The following PRTG variants were observed in gnomAD, a reference collection of about 807,000 sequenced individuals.
PRTG encodes the protein immunoglobulin superfamily, DCC subclass, member 5.
In PRTG, 67 loss-of-function variants were observed where a neutral mutation model predicts 122.5. The observed-to-expected ratio is 0.55, with a 90% CI of 0.45 to 0.67. PRTG has a LOEUF of 0.67. Among genes scored for constraint, PRTG ranks in the 30% least tolerant of loss-of-function variants. PRTG has a pLI of 0.00. For missense variants in PRTG, 1,435 were observed against 1,415.4 expected (o/e 1.01, Z -0.22); for synonymous variants, 554 against 501.1 (o/e 1.11, Z -1.41).
At chr15:55,639,509 T>C in intron 13 of PRTG, 133 bp downstream of exon 13, 2 of 673,654 alleles carry the variant, frequency 3.0e-6, no homozygotes, top group South Asian at 2.3e-5. Flanking sequence ...AGCCACTTCA[T>C]AAATAACTTA....
rs780467870 is a variant in PRTG, at chr15:55,639,834, GA to G, written c.2138-7del. The G allele has an allele frequency of 3.1e-6, 5 of 1,612,698 alleles. No individual in the cohort carries two copies. The East Asian group carries it at 1.1e-4, about 36-fold the overall frequency. The stretch of plus-strand genomic sequence containing the variant: ...GACCATGCGATCACGAACAGCTATT[GA>G]GAAAAACAATGTTAATTTACGATAC... On this transcript the variant is annotated splice_region_variant and splice_polypyrimidine_tract_variant and intron_variant, in intron 12 of 19. Coordinates refer to ENST00000389286, the MANE Select transcript of PRTG (RefSeq NM_173814.6).
At chr15:55,627,184 T>A in intron 16 of PRTG, 56 bp from the exon 17 acceptor site, 1 of 1,376,462 alleles carries the variant, frequency 7.3e-7, no homozygotes, top group Admixed American at 2.5e-5. Flanking sequence ...TTATTTAATT[T>A]ATAATTCTCA....
chr15:55,732,053 T>C (rs2031252163), intron 2 of PRTG, among the ~76,000 whole-genome samples: 1 of 152,210 alleles, frequency 6.6e-6, no homozygotes, highest in African/African-American at 2.4e-5. Context: ...GGGAAGTATT[T>C]GTGTATCTAA....
chr15:55,698,718 A>G (rs1011879770), intron 2 of PRTG, among the ~76,000 whole-genome samples: 3 of 152,212 alleles, frequency 2.0e-5, no homozygotes, highest in African/African-American at 4.8e-5. Context: ...AATGATGCTC[A>G]TAAGTTTCAT....
chr15:55,725,676 A>G (rs545663166), intron 2 of PRTG, among the ~76,000 whole-genome samples: 1 of 152,298 alleles, frequency 6.6e-6, no homozygotes, highest in African/African-American at 2.4e-5. Flanking sequence ...AATTACAATA[A>G]ATGCAAGTGG....
In PRTG at chr15:55,698,558, T is replaced by C. The variant is rs1269998419; in HGVS notation, c.398-14627A>G. On this transcript the variant is annotated intron_variant, in intron 2 of 19. Transcript: ENST00000389286. The stretch of plus-strand genomic sequence containing the variant: ...CTCCTGCCTCAGCCTCCCAAAGTGC[T>C]GGGATTACAGGCATGAGCTGCCACG... Among the ~76,000 whole-genome samples the C allele has an allele frequency of 2.0e-5, 3 of 152,280 alleles. No individual in the cohort carries two copies. In the East Asian group the frequency reaches 5.8e-4, roughly 29 times the overall value.
rs539588030 is a variant in PRTG at position 55,616,113 on chromosome 15, T to C, written c.*3899A>G. ...AAACTGATTTTTAAAAGTCACTTAATGGATAAAGCTGTATTTTTACTTTTA... is the reference window on the plus strand; with the variant it reads ...AAACTGATTTTTAAAAGTCACTTAACGGATAAAGCTGTATTTTTACTTTTA... On this transcript the variant is annotated 3_prime_UTR_variant, in exon 20 of 20. Coordinates refer to ENST00000389286, the MANE Select transcript of PRTG (RefSeq NM_173814.6). 2.0e-5 allele frequency: 3 copies of C among 152,296 alleles called. No individual in the cohort carries two copies. The South Asian group carries it at 6.2e-4, about 32-fold the overall frequency. The allele number at this position is 152,296 out of a possible 1,614,324, so 9.4% of individuals were successfully genotyped here. A position where few individuals can be genotyped will look rare whatever the true frequency, so the allele number is the denominator to read the frequency against.
chr15:55,739,236 A>G (rs1595689765), intron 2 of PRTG, among the ~76,000 whole-genome samples: 2 of 150,406 alleles, frequency 1.3e-5, no homozygotes, highest in South Asian at 4.3e-4. Context: ...TGAAACTACT[A>G]TTTCCTAAAT....
chr15:55,644,674 A>G (rs993461330), intron 11 of PRTG, among the ~76,000 whole-genome samples: 6 of 152,050 alleles, frequency 3.9e-5, no homozygotes, highest in African/African-American at 1.4e-4. Context: ...CCCGTCTCCT[A>G]TGTGGAAATC....
intron 4 of PRTG, among the ~76,000 whole-genome samples, chr15:55,682,004 T>A (rs147402073): frequency 1.8e-3 from 281 of 152,288 alleles, no homozygotes; most frequent in African/African-American, 6.5e-3. Flanking sequence ...TTAGGTATTA[T>A]AAGTAATCTA....
At chr15:55,718,355 A>C (rs2030678662) in intron 2 of PRTG, among the ~76,000 whole-genome samples, 2 of 151,962 alleles carry the variant, frequency 1.3e-5, no homozygotes, top group Admixed American at 6.6e-5. Context: ...TTCCCAATGA[A>C]ACTCATCCCA....
chr15:55,674,503 T>C (rs994261455), intron 9 of PRTG, among the ~76,000 whole-genome samples: 1 of 152,200 alleles, frequency 6.6e-6, no homozygotes, highest in African/African-American at 2.4e-5. Context: ...AGGTTGTTAA[T>C]AGCAACGAGG....
intron 15 of PRTG, among the ~76,000 whole-genome samples, chr15:55,636,678 G>T (rs894154791): frequency 6.6e-6 from 1 of 151,366 alleles, no homozygotes; most frequent in South Asian, 2.1e-4. Context: ...ACAGAGTCTT[G>T]TTCTTGTTGC....
At chr15:55,738,002 C>CTCTCTCTATATA (rs1248440584) in intron 2 of PRTG, among the ~76,000 whole-genome samples, 6 of 96,684 alleles carry the variant, frequency 6.2e-5, no homozygotes, top group East Asian at 3.2e-4. Flanking sequence ...CTCTCTCTCT[C>CTCTCTCTATATA]TATATATATA....
intron 11 of PRTG, among the ~76,000 whole-genome samples, chr15:55,666,448 T>G (rs1219366923): frequency 6.6e-6 from 1 of 152,184 alleles, no homozygotes; most frequent in Non-Finnish European, 1.5e-5. Context: ...GCCTAAAATA[T>G]TTACGATCTG....
chr15:55,677,790 C>G lies in PRTG; in HGVS notation c.1381+7G>C. The G allele has an allele frequency of 1.2e-6, 2 of 1,612,312 alleles. No individual in the cohort carries two copies. ...ACTTAAAAATAAGCACTCCTAAAATCGCTTACCTTCTGCTTTCATGTAGTG... is the reference window on the plus strand; with the variant it reads ...ACTTAAAAATAAGCACTCCTAAAATGGCTTACCTTCTGCTTTCATGTAGTG... On this transcript the variant is annotated splice_region_variant and intron_variant, in intron 8 of 19. Transcript: ENST00000389286.
chr15:55,655,649 T>C (rs570148397), intron 11 of PRTG: 114 of 152,094 alleles, frequency 7.5e-4, no homozygotes, highest in African/African-American at 2.4e-3. Flanking sequence ...TTAGACAGTA[T>C]AAACTTTGGA....
In PRTG at chr15:55,683,940, T is replaced by TA. The variant is rs2059556088; in HGVS notation, c.398-10dup. ...TTCAAATGCAGAAATAGCTATAAGA[T>TA]AAAGTTTGAGAAATTCAGAATAAGT... On this transcript the variant is annotated splice_polypyrimidine_tract_variant and intron_variant, in intron 2 of 19. Transcript: ENST00000389286. 1 of 1,610,638 alleles carries TA rather than the reference T, an allele frequency of 6.2e-7. No individual in the cohort carries two copies. Among genetic ancestry groups the TA allele is most frequent in the Non-Finnish European group, 8.5e-7 (1 of 1,177,636 alleles).
At chr15:55,639,013 T>C (rs1196739942) in intron 13 of PRTG, among the ~76,000 whole-genome samples, 3 of 152,138 alleles carry the variant, frequency 2.0e-5, no homozygotes, top group Non-Finnish European at 4.4e-5. Context: ...GCTGTGTTAT[T>C]CAGGCTAGAG....
Sources: allele counts gnomAD v4.1 joint callset (sites outside exome capture counted in the v4.1 genomes callset), GRCh38; gene constraint gnomAD v4.1.1; transcripts MANE v1.5; gene names NCBI Gene and HGNC (gene_info 2026-07-23, HGNC 2026-07-21).